Variants in DRC1 observed in about 807,000 individuals in gnomAD.
DRC1 encodes dynein regulatory complex protein 1.
DRC1 carries 74 observed loss-of-function variants against 98.7 expected under a neutral mutation model. The observed-to-expected ratio is 0.75, with a 90% CI of 0.62 to 0.91. The LOEUF (loss-of-function observed/expected upper bound fraction) is 0.91. Among genes scored for constraint, DRC1 ranks in the 40% least tolerant of loss-of-function variants. DRC1 has a pLI of 0.00. For missense variants in DRC1, 875 were observed against 886.0 expected, an observed-to-expected ratio of 0.99 and a Z score of 0.16; for synonymous variants, 336 against 334.1, an observed-to-expected ratio of 1.01 and a Z score of -0.06.
At chr2:26,450,178 G>A (rs1474345554) in intron 12 of DRC1, 93 bp downstream of exon 12, 5 of 1,251,374 alleles carry the variant, frequency 4.0e-6, no homozygotes, top group Non-Finnish European at 5.6e-6. Context: ...GGCAGTGGAC[G>A]AGGGTCTCCC....
intron 1 of DRC1, among the ~76,000 whole-genome samples, chr2:26,408,854 G>A (rs1390153673): frequency 1.3e-5 from 2 of 152,060 alleles, no homozygotes; most frequent in South Asian, 2.1e-4. Flanking sequence ...ATCAGCCCAC[G>A]CTGACATGCA....
chr2:26,429,796 C>G, intron 5 of DRC1, 31 bp downstream of exon 5: 1 of 1,611,310 alleles, frequency 6.2e-7, no homozygotes, highest in Non-Finnish European at 8.5e-7. Context: ...CTGGTTTCTG[C>G]TCTTGGAGGG....
chr2:26,449,440 C>G (rs1437410961), intron 11 of DRC1, among the ~76,000 whole-genome samples: 2 of 152,248 alleles, frequency 1.3e-5, no homozygotes, highest in African/African-American at 4.8e-5. Context: ...GTTCTGCCCT[C>G]TGAACCTGCA....
intron 7 of DRC1, among the ~76,000 whole-genome samples, chr2:26,438,963 A>T (rs139892687): frequency 6.6e-6 from 1 of 151,952 alleles, no homozygotes; most frequent in African/African-American, 2.4e-5. Flanking sequence ...TTTTTCACAA[A>T]CTGTCAGGGT....
At chr2:26,434,075 A>T (rs1459316618) in intron 7 of DRC1, among the ~76,000 whole-genome samples, 1 of 152,248 alleles carries the variant, frequency 6.6e-6, no homozygotes, top group Non-Finnish European at 1.5e-5. Flanking sequence ...AAGATATAAC[A>T]TGCAGCTCAA....
At chr2:26,455,359 T>TA (rs1419002707) in intron 16 of DRC1, 126 bp downstream of exon 16, 303 of 883,406 alleles carry the variant, frequency 3.4e-4, no homozygotes, top group Non-Finnish European at 4.6e-4. Flanking sequence ...TGATATGATG[T>TA]AAAAAATCAA....
At chr2:26,424,754 C>G (rs1663240400) in intron 4 of DRC1, among the ~76,000 whole-genome samples, 1 of 152,112 alleles carries the variant, frequency 6.6e-6, no homozygotes, top group Non-Finnish European at 1.5e-5. Flanking sequence ...GAGTTTGAGA[C>G]CAGCCTGGCC....
intron 2 of DRC1, 112 bp downstream of exon 2, chr2:26,414,543 C>A (rs927581863): frequency 1.1e-6 from 1 of 940,230 alleles, no homozygotes; most frequent in Non-Finnish European, 1.6e-6. Context: ...TGTCTCTAGG[C>A]AGAACTGAAT....
intron 12 of DRC1, 71 bp from the exon 13 acceptor site, chr2:26,450,521 C>A: frequency 7.2e-7 from 1 of 1,384,136 alleles, no homozygotes; most frequent in Non-Finnish European, 1.0e-6. Flanking sequence ...AGGAGCTGAG[C>A]ATCTGTCAGC....
At chr2:26,453,006 G>A (rs1664047596) in intron 13 of DRC1, among the ~76,000 whole-genome samples, 1 of 152,098 alleles carries the variant, frequency 6.6e-6, no homozygotes, top group Non-Finnish European at 1.5e-5. Flanking sequence ...AACAATTAAA[G>A]CAAAAATTTA....
intron 13 of DRC1, 65 bp from the exon 14 acceptor site, chr2:26,453,251 TCCTG>T: frequency 6.4e-7 from 1 of 1,565,232 alleles, no homozygotes; most frequent in South Asian, 1.2e-5. Flanking sequence ...TTTTTCTTCT[TCCTG>T]CCTCTCTCTC....
At position 26,453,471 on chromosome 2, in the gene DRC1, C is replaced by T. The variant is rs1664060879; in HGVS notation, c.1841C>T (p.Pro614Leu). The T allele has an allele frequency of 2.5e-6, 4 of 1,614,072 alleles. No homozygotes were observed. Among genetic ancestry groups the T allele is most frequent in the African/African-American group, 1.3e-5 (1 of 75,048 alleles). The change falls in exon 14 of 17, where the codon CCA becomes CTA. Residue 614 changes from proline to leucine, a missense_variant. By Grantham distance (98) the Pro-to-Leu change is moderately conservative. Transcript: ENST00000288710. ...EGEKEEEEET[P>L]PSPWVIHPND... is the part of the protein sequence containing the mutation. ...GAGAAGGAGGAAGAGGAGGAGACCC[C>T]ACCCTCCCCCTGGGTCATCCACCCC...
intron 13 of DRC1, among the ~76,000 whole-genome samples, chr2:26,452,263 T>G (rs1664025829): frequency 6.6e-6 from 1 of 152,202 alleles, no homozygotes; most frequent in East Asian, 1.9e-4. Flanking sequence ...GAAATTCTTC[T>G]TCTTTTTTTT....
intron 7 of DRC1, among the ~76,000 whole-genome samples, chr2:26,434,267 A>C (rs1172640907): frequency 6.6e-6 from 1 of 152,236 alleles, no homozygotes; most frequent in African/African-American, 2.4e-5. Context: ...AGTAAAGGTC[A>C]TGTTATGAAT....
Position 26,454,809 on chromosome 2 carries a change from G to C in DRC1, c.2063+19G>C. The C allele has an allele frequency of 6.2e-7, 1 of 1,613,778 alleles. No homozygotes were observed. The highest frequency in any genetic ancestry group is 8.5e-7 in the Non-Finnish European group (1 of 1,179,826). ...AGTACCAGTAAGTGTGCATGTCATG[G>C]AGCAGGAGGGTGCTGGCGGGCAGGT... On this transcript the variant is annotated intron_variant, in intron 15 of 16. Transcript: ENST00000288710. This position sits in a 1 kb window ranked among gnomAD's most constrained non-coding sequence, Gnocchi z 5.2.
chr2:26,421,174 T>C (rs538825721), intron 2 of DRC1, 114 bp from the exon 3 acceptor site: 1 of 819,582 alleles, frequency 1.2e-6, no homozygotes, highest in African/African-American at 1.7e-5. Context: ...AGGTAGTTGC[T>C]GCTTCCTGCT....
intron 2 of DRC1, among the ~76,000 whole-genome samples, chr2:26,416,365 C>T (rs925637709): frequency 6.6e-6 from 1 of 152,112 alleles, no homozygotes; most frequent in Non-Finnish European, 1.5e-5. Context: ...TGGTCTTGAT[C>T]TCTTGACCCA....
chr2:26,419,051 G>A (rs1258483587), intron 2 of DRC1, among the ~76,000 whole-genome samples: 2 of 151,194 alleles, frequency 1.3e-5, no homozygotes, highest in Non-Finnish European at 2.9e-5. Flanking sequence ...ACCATGCCTG[G>A]CTAAGTTTTA....
chr2:26,446,994 G>C (rs983312321), intron 10 of DRC1, among the ~76,000 whole-genome samples: 1 of 152,088 alleles, frequency 6.6e-6, no homozygotes, highest in East Asian at 1.9e-4. Context: ...GGAGGCTGAG[G>C]CAGGAGAATC....
Sources: allele counts gnomAD v4.1 joint callset (sites outside exome capture counted in the v4.1 genomes callset), GRCh38; gene constraint gnomAD v4.1.1; non-coding constraint Gnocchi (gnomAD v3.1); transcripts MANE v1.5; gene names NCBI Gene and HGNC (gene_info 2026-07-23, HGNC 2026-07-21).